The following PCSK5 variants were observed in gnomAD, a reference collection of about 807,000 sequenced individuals.
The protein encoded by PCSK5 is proprotein convertase subtilisin/kexin type 5, also known as prohormone convertase 5.
Under a neutral mutation model 233.2 loss-of-function variants are expected in PCSK5, and 129 were observed. The ratio of observed to expected loss-of-function variants is 0.55; its 90% confidence interval spans 0.48 to 0.64. The LOEUF is 0.64. Ranked by LOEUF, PCSK5 falls within the 30% of genes least tolerant of loss-of-function variation. PCSK5 has a pLI of 0.00. For missense variants in PCSK5, 2,076 were observed against 2,430.1 expected (o/e 0.85, Z 3.06); for synonymous variants, 825 against 879.2 (o/e 0.94, Z 1.09).
At chr9:75,994,757 C>G (rs1039915722) in intron 3 of PCSK5, among the ~76,000 whole-genome samples, 1 of 152,114 alleles carries the variant, frequency 6.6e-6, no homozygotes, top group Non-Finnish European at 1.5e-5. Context: ...CTCTTCCAGT[C>G]TGTTCTTCAT....
chr9:75,960,163 AGGT>A (rs1248025471), intron 2 of PCSK5, among the ~76,000 whole-genome samples: 8 of 152,174 alleles, frequency 5.3e-5, no homozygotes, highest in African/African-American at 1.4e-4. Flanking sequence ...AATAGATTTT[AGGT>A]CTTTTTTCAA....
chr9:76,030,695 T>C (rs944835424), intron 5 of PCSK5, among the ~76,000 whole-genome samples: 1 of 152,216 alleles, frequency 6.6e-6, no homozygotes, highest in African/African-American at 2.4e-5. Context: ...TGTATTATAA[T>C]ACAGACTATA....
intron 10 of PCSK5, among the ~76,000 whole-genome samples, chr9:76,135,812 T>G (rs1822947274): frequency 1.3e-5 from 2 of 152,200 alleles, no homozygotes; most frequent in South Asian, 4.1e-4. Context: ...GACATTAACC[T>G]CCATGAAGCT....
At chr9:76,068,835 C>T (rs890556249) in intron 6 of PCSK5, among the ~76,000 whole-genome samples, 3 of 152,146 alleles carry the variant, frequency 2.0e-5, no homozygotes, top group East Asian at 1.9e-4. Context: ...CTCCTAAGAG[C>T]GTCATAAGAT....
intron 7 of PCSK5, among the ~76,000 whole-genome samples, chr9:76,072,220 T>C (rs1293912882): frequency 1.3e-5 from 2 of 152,236 alleles, no homozygotes; most frequent in African/African-American, 4.8e-5. Context: ...TGAGTGAAGA[T>C]ATTTAACACT....
chr9:76,232,697 A>T lies in PCSK5; in HGVS notation c.2730-763A>T, dbSNP rs73460384. 7.9e-3 allele frequency among the ~76,000 whole-genome samples: 1,203 copies of T among 152,348 alleles called. 15 individuals carry two copies. Among genetic ancestry groups the T allele is most frequent in the African/African-American group, 0.028 (1,170 of 41,586 alleles). On this transcript the variant is annotated intron_variant, in intron 21 of 37. Transcript: ENST00000674117. Reference sequence around the variant, plus strand: ...ACTTGGATACAATTTACTTAGTCACATTTGCTCTTACGATTAGTTTGCAAA... The same window carrying T: ...ACTTGGATACAATTTACTTAGTCACTTTTGCTCTTACGATTAGTTTGCAAA...
chr9:76,205,153 C>T (rs1192747458), intron 20 of PCSK5: 1 of 518,810 alleles, frequency 1.9e-6, no homozygotes, highest in Non-Finnish European at 3.8e-6. Context: ...TTTTCCCCCA[C>T]CAAAATATAT....
rs766279422 is a variant in PCSK5 at position 76,354,141 on chromosome 9, G to A, written c.5176G>A (p.Asp1726Asn). ...CPANLVLHMD[D>N]SHCLHCCNTS... Reference sequence around the variant, plus strand: ...TGCCAACCTGGTGCTGCACATGGACGACAGCCACTGCCTCCACTGCTGCAA... The same window carrying A: ...TGCCAACCTGGTGCTGCACATGGACAACAGCCACTGCCTCCACTGCTGCAA... Residue 1726 changes from aspartate (D) to asparagine (N), a missense_variant, in exon 37 of 38, where the codon GAC (aspartate) becomes AAC (asparagine). Asp to Asn is a conservative substitution (Grantham distance 23). Coordinates refer to ENST00000674117, the MANE Select transcript of PCSK5 (RefSeq NM_001372043.1). The A allele has an allele frequency of 3.5e-5, 56 of 1,596,856 alleles. No homozygotes were observed. Among genetic ancestry groups the A allele is most frequent in the South Asian group, 2.8e-4 (25 of 88,150 alleles).
At chr9:75,951,520 T>C (rs1824855134) in intron 2 of PCSK5, among the ~76,000 whole-genome samples, 1 of 152,192 alleles carries the variant, frequency 6.6e-6, no homozygotes, top group Admixed American at 6.5e-5. Flanking sequence ...AAACTTTGAA[T>C]CTGAATAATA....
At chr9:75,936,054 C>CAT (rs1824042017) in intron 2 of PCSK5, among the ~76,000 whole-genome samples, 1 of 152,330 alleles carries the variant, frequency 6.6e-6, no homozygotes, top group African/African-American at 2.4e-5. Flanking sequence ...AAGTTATGTT[C>CAT]ATACTATCCT....
intron 2 of PCSK5, among the ~76,000 whole-genome samples, chr9:75,939,138 A>G (rs1384887687): frequency 1.3e-5 from 2 of 152,190 alleles, no homozygotes; most frequent in Non-Finnish European, 1.5e-5. Context: ...TAAGAAAATG[A>G]TGTGGTCAGT....
At chr9:76,170,999 C>A (rs947281288) in intron 13 of PCSK5, among the ~76,000 whole-genome samples, 4 of 152,142 alleles carry the variant, frequency 2.6e-5, no homozygotes, top group Non-Finnish European at 4.4e-5. Context: ...GAATGGTGGC[C>A]AGGTCACAAT....
intron 2 of PCSK5, among the ~76,000 whole-genome samples, chr9:75,937,952 T>G (rs1824132357): frequency 6.6e-6 from 1 of 152,216 alleles, no homozygotes; most frequent in Non-Finnish European, 1.5e-5. Context: ...GGAAATGTTG[T>G]GGCTTGTTTG....
At chr9:76,320,928 T>G (rs950625669) in intron 30 of PCSK5, among the ~76,000 whole-genome samples, 2 of 151,808 alleles carry the variant, frequency 1.3e-5, no homozygotes, top group African/African-American at 4.8e-5. Flanking sequence ...GATTCTCCTG[T>G]CTCAGCCTCC....
chr9:76,209,552 CT>C, intron 20 of PCSK5: 1 of 515,414 alleles, frequency 1.9e-6, no homozygotes, highest in East Asian at 5.5e-5. Context: ...TACTGAGTGC[CT>C]TTTCATGGAG....
chr9:76,246,808 G>T (rs1305328506), intron 24 of PCSK5, among the ~76,000 whole-genome samples: 1 of 152,216 alleles, frequency 6.6e-6, no homozygotes, highest in African/African-American at 2.4e-5. Context: ...TTACATGGAA[G>T]GCAAGGCACA....
At chr9:75,951,928 G>C (rs1587410443) in intron 2 of PCSK5, among the ~76,000 whole-genome samples, 1 of 135,790 alleles carries the variant, frequency 7.4e-6, no homozygotes, top group Non-Finnish European at 1.7e-5. Flanking sequence ...AGGGATGACT[G>C]TATTTTAATT....
rs187596029 is a variant in PCSK5, at chr9:76,334,122, G to T, written c.4748+1512G>T. Among the ~76,000 whole-genome samples, 3 of 152,138 alleles carry T rather than the reference G, an allele frequency of 2.0e-5. No individual in the cohort carries two copies. In the East Asian group the frequency reaches 5.8e-4, roughly 30 times the overall value. ...AGAGAATGAGAGCCAGGCGAAACGG[G>T]TTTCTCCTTATCAAACCGTCAGATC... On this transcript the variant is annotated intron_variant, in intron 34 of 37. Transcript: ENST00000674117.
chr9:76,094,185 T>C (rs1165947682), intron 7 of PCSK5, among the ~76,000 whole-genome samples: 1 of 152,224 alleles, frequency 6.6e-6, no homozygotes, highest in African/African-American at 2.4e-5. Flanking sequence ...AATATACTGT[T>C]CCTTGAGGAT....
Sources: gnomAD v4.1 joint callset for allele counts (sites outside exome capture counted in the v4.1 genomes callset) on GRCh38, gnomAD v4.1.1 for gene constraint, MANE v1.5 for transcripts, NCBI Gene and HGNC (gene_info 2026-07-23, HGNC 2026-07-21) for gene names.